ACTR3C: variants seen among roughly 807,000 people sequenced by gnomAD.
The protein encoded by ACTR3C is actin related protein 3C.
A neutral mutation model predicts 26.3 loss-of-function variants in ACTR3C; 18 were observed. That is an observed-to-expected ratio of 0.68 (90% CI 0.47 to 1.01). ACTR3C has a LOEUF of 1.01. Ranked by LOEUF, ACTR3C falls within the 50% of genes least tolerant of loss-of-function variation. The pLI is 0.00. For missense variants in ACTR3C, 184 were observed against 250.7 expected (o/e 0.73, Z 1.80); for synonymous variants, 55 against 94.5 (o/e 0.58, Z 2.42).
the ACTR3C span, among the ~76,000 whole-genome samples, chr7:149,963,304 C>T: frequency 6.6e-6 from 1 of 152,228 alleles, no homozygotes; most frequent in African/African-American, 2.4e-5. Context: ...CCCACCCTGA[C>T]ATTTTTCCTG....
the ACTR3C span, among the ~76,000 whole-genome samples, chr7:149,945,390 A>G: frequency 6.6e-6 from 1 of 151,810 alleles, no homozygotes; most frequent in Non-Finnish European, 1.5e-5. Context: ...CCCGTCGAAC[A>G]CAACTGGAAG....
At chr7:149,969,340 CCT>C in the ACTR3C span, among the ~76,000 whole-genome samples, 1 of 146,296 alleles carries the variant, frequency 6.8e-6, no homozygotes, top group African/African-American at 2.7e-5. Flanking sequence ...TGATGCTGCC[CCT>C]GTTTCCCCCA....
chr7:150,267,136 C>T (rs1212275386), intron 6 of ACTR3C, among the ~76,000 whole-genome samples: 1 of 152,142 alleles, frequency 6.6e-6, no homozygotes, highest in Non-Finnish European at 1.5e-5. Context: ...CTCGCTGAGG[C>T]GCTCCCAGCA....
the ACTR3C span, among the ~76,000 whole-genome samples, chr7:150,192,827 G>A: frequency 3.3e-5 from 5 of 152,254 alleles, no homozygotes; most frequent in East Asian, 7.7e-4. Flanking sequence ...TTCCTCACAC[G>A]ATTGACATAT....
the ACTR3C span, among the ~76,000 whole-genome samples, chr7:150,125,945 G>A: frequency 2.6e-5 from 4 of 152,148 alleles, no homozygotes; most frequent in African/African-American, 9.7e-5. Context: ...CTGCAGGCTC[G>A]GTTCTGGTTT....
intron 6 of ACTR3C, among the ~76,000 whole-genome samples, chr7:150,263,707 T>G (rs1833823108): frequency 6.6e-6 from 1 of 152,034 alleles, no homozygotes; most frequent in Non-Finnish European, 1.5e-5. Context: ...AAGAACAACG[T>G]GGACAAACAG....
At chr7:150,291,266 AC>A (rs1648826493) in intron 3 of ACTR3C, among the ~76,000 whole-genome samples, 1 of 152,182 alleles carries the variant, frequency 6.6e-6, no homozygotes. Context: ...CCCCATCTCT[AC>A]TAAAAATACA....
chr7:149,909,817 A>G, the ACTR3C span: 1 of 251,450 alleles, frequency 4.0e-6, no homozygotes, highest in Non-Finnish European at 6.6e-6. Context: ...GCCTCAGAAT[A>G]CTCCTTGAAA....
At chr7:150,304,955 G>A (rs1276030859) in intron 1 of ACTR3C, among the ~76,000 whole-genome samples, 1 of 152,108 alleles carries the variant, frequency 6.6e-6, no homozygotes, top group African/African-American at 2.4e-5. Context: ...GGCTCTGGAA[G>A]CCTGATTGCT....
chr7:149,955,459 C>G, the ACTR3C span, among the ~76,000 whole-genome samples: 1 of 152,188 alleles, frequency 6.6e-6, no homozygotes, highest in Admixed American at 6.5e-5. Flanking sequence ...CAAGACAGAA[C>G]TGAAACCCTG....
chr7:150,203,249 CAG>C, the ACTR3C span, among the ~76,000 whole-genome samples: 2 of 152,306 alleles, frequency 1.3e-5, no homozygotes, highest in South Asian at 2.1e-4. Context: ...AGCATTGCAA[CAG>C]GGGGAGGATT....
the ACTR3C span, among the ~76,000 whole-genome samples, chr7:150,137,389 C>T: frequency 2.0e-5 from 3 of 152,198 alleles, no homozygotes; most frequent in Non-Finnish European, 2.9e-5. Context: ...CTAAAGCCCC[C>T]ATAGTGCCTG....
At chr7:150,066,133 C>T in the ACTR3C span, among the ~76,000 whole-genome samples, 1 of 152,156 alleles carries the variant, frequency 6.6e-6, no homozygotes, top group Non-Finnish European at 1.5e-5. Context: ...AATCACTGAT[C>T]TCAAACATAC....
At chr7:150,035,232 T>TC in the ACTR3C span, among the ~76,000 whole-genome samples, 1 of 76,448 alleles carries the variant, frequency 1.3e-5, no homozygotes, top group African/African-American at 5.5e-5. Context: ...GCCATGGGGG[T>TC]CCTAAGAGCC....
the ACTR3C span, among the ~76,000 whole-genome samples, chr7:149,930,435 T>C: frequency 6.6e-6 from 1 of 152,234 alleles, no homozygotes; most frequent in Non-Finnish European, 1.5e-5. Flanking sequence ...TTGGTAAAAC[T>C]GGAAGAAGAG....
At chr7:150,135,812 A>G in the ACTR3C span, among the ~76,000 whole-genome samples, 669 of 151,536 alleles carry the variant, frequency 4.4e-3, 6 homozygotes, top group African/African-American at 0.012. Flanking sequence ...AAGAAAGGAA[A>G]GAAAGAAAAG....
At chr7:149,939,622 C>A in the ACTR3C span, among the ~76,000 whole-genome samples, 1 of 151,868 alleles carries the variant, frequency 6.6e-6, no homozygotes, top group Non-Finnish European at 1.5e-5. Context: ...GCTTTCCATA[C>A]TTTCGAGTTT....
At chr7:150,082,947 CTTT>C in the ACTR3C span, among the ~76,000 whole-genome samples, 2 of 108,560 alleles carry the variant, frequency 1.8e-5, no homozygotes, top group South Asian at 3.0e-4. Flanking sequence ...TTTTTTTTTT[CTTT>C]TTTTTTTTTT....
chr7:150,318,560 A>C (rs1015543840), intron 1 of ACTR3C, among the ~76,000 whole-genome samples: 20 of 152,172 alleles, frequency 1.3e-4, no homozygotes, highest in African/African-American at 4.8e-4. Flanking sequence ...TCAGGAGTTC[A>C]AGACCAGCCT....
Sources: allele counts gnomAD v4.1 joint callset (sites outside exome capture counted in the v4.1 genomes callset), GRCh38; gene constraint gnomAD v4.1.1; transcripts MANE v1.5; gene names NCBI Gene and HGNC (gene_info 2026-07-23, HGNC 2026-07-21).